WDR7: variants seen among roughly 807,000 people sequenced by gnomAD.
The protein encoded by WDR7 is WD repeat domain 7, also known as WD repeat-containing protein 7.
A neutral mutation model predicts 169.4 loss-of-function variants in WDR7; 46 were observed. The observed-to-expected ratio is 0.27, with a 90% CI of 0.21 to 0.35. The LOEUF (loss-of-function observed/expected upper bound fraction) is 0.35. Ranked by LOEUF, WDR7 falls within the 10% of genes least tolerant of loss-of-function variation. WDR7 has a pLI of 1.00. For synonymous variants in WDR7, 612 were observed against 666.8 expected (o/e 0.92, Z 1.27); for missense variants, 1,534 against 1,859.3 (o/e 0.83, Z 3.22).
intron 12 of WDR7, among the ~76,000 whole-genome samples, chr18:56,716,843 A>G (rs2026203179): frequency 6.6e-6 from 1 of 152,134 alleles, no homozygotes; most frequent in African/African-American, 2.4e-5. Flanking sequence ...CTACTACCCA[A>G]CCTCAGTATT....
At chr18:56,995,249 C>T (rs2047882593) in intron 26 of WDR7, among the ~76,000 whole-genome samples, 2 of 152,182 alleles carry the variant, frequency 1.3e-5, no homozygotes, top group South Asian at 4.1e-4. Context: ...CAGAAACACA[C>T]ATTTTACCTG....
intron 21 of WDR7, among the ~76,000 whole-genome samples, chr18:56,908,576 TGTCAA>T (rs1330951306): frequency 1.3e-5 from 2 of 152,214 alleles, no homozygotes; most frequent in Non-Finnish European, 2.9e-5. Flanking sequence ...AGACAGAGGC[TGTCAA>T]GTCAGGTCAA....
rs778753620 is a variant in WDR7 at position 56,939,350 on chromosome 18, G to C, written c.4021G>C (p.Val1341Leu). 2 of 1,582,316 alleles carry C rather than the reference G, an allele frequency of 1.3e-6. No individual in the cohort carries two copies. The highest frequency in any genetic ancestry group is 2.7e-5 in the African/African-American group (2 of 73,924). The change falls in exon 25 of 28, where the codon GTT (valine) becomes CTT (leucine). Residue 1341 changes from valine to leucine, a missense_variant. Transcript: ENST00000254442. ...TATGTACTGCCTTGAAGGATCTTTAGTTAAAAAGAAAGGTCTTCAAGAATG... is the reference window on the plus strand; with the variant it reads ...TATGTACTGCCTTGAAGGATCTTTACTTAAAAAGAAAGGTCTTCAAGAATG... ...IIMYCLEGSL[V>L]KKKGLQECFP... is the part of the protein sequence containing the mutation.
At chr18:56,844,176 A>T (rs1380418533) in intron 20 of WDR7, among the ~76,000 whole-genome samples, 8 of 150,070 alleles carry the variant, frequency 5.3e-5, no homozygotes, top group African/African-American at 9.8e-5. Context: ...TTTTTTTTTT[A>T]AATAATAGCA....
intron 26 of WDR7, among the ~76,000 whole-genome samples, chr18:56,964,216 A>G (rs2047374655): frequency 6.6e-6 from 1 of 151,412 alleles, no homozygotes; most frequent in African/African-American, 2.4e-5. Context: ...ATGCAAAAAA[A>G]AAAAAAAAAA....
intron 25 of WDR7, among the ~76,000 whole-genome samples, chr18:56,950,517 A>C (rs1395922926): frequency 6.6e-6 from 1 of 152,214 alleles, no homozygotes; most frequent in African/African-American, 2.4e-5. Context: ...GGCATCTGCA[A>C]ACCACAGTTT....
intron 20 of WDR7, among the ~76,000 whole-genome samples, chr18:56,844,750 A>G (rs1251014259): frequency 6.6e-6 from 1 of 152,214 alleles, no homozygotes; most frequent in African/African-American, 2.4e-5. Context: ...ATAGGTTGGT[A>G]GAGATAATGA....
At chr18:56,947,258 T>C (rs947283519) in intron 25 of WDR7, among the ~76,000 whole-genome samples, 2 of 152,332 alleles carry the variant, frequency 1.3e-5, no homozygotes, top group African/African-American at 4.8e-5. Context: ...ATGAGCAGAA[T>C]AGGAAGCACA....
intron 19 of WDR7, among the ~76,000 whole-genome samples, chr18:56,813,192 A>AC (rs942728562): frequency 3.5e-5 from 5 of 142,502 alleles, no homozygotes; most frequent in Non-Finnish European, 7.5e-5. Context: ...AAAAAAAAAA[A>AC]CATTAAAAAA....
intron 14 of WDR7, among the ~76,000 whole-genome samples, chr18:56,739,918 A>G (rs1266510863): frequency 6.9e-6 from 1 of 145,834 alleles, no homozygotes; most frequent in Non-Finnish European, 1.5e-5. Context: ...GAGTTGCCAG[A>G]GCTTTTTGAA....
chr18:56,824,296 CATT>C (rs1167912616), intron 20 of WDR7, among the ~76,000 whole-genome samples: 13 of 152,314 alleles, frequency 8.5e-5, no homozygotes, highest in African/African-American at 3.1e-4. Context: ...TCTCCCTGTT[CATT>C]GTACACACTT....
intron 19 of WDR7, among the ~76,000 whole-genome samples, chr18:56,812,050 G>A (rs944261373): frequency 3.9e-5 from 6 of 152,130 alleles, no homozygotes; most frequent in Non-Finnish European, 8.8e-5. Context: ...CAGTCAATTT[G>A]TGGAGATTTG....
intron 21 of WDR7, among the ~76,000 whole-genome samples, chr18:56,891,674 ACT>A (rs754864128): frequency 6.6e-6 from 1 of 152,028 alleles, no homozygotes; most frequent in Non-Finnish European, 1.5e-5. Context: ...TCCTATAAAC[ACT>A]CTGAATCCAG....
Position 57,029,790 on chromosome 18 carries a change from G to A in WDR7, c.*2583G>A, listed in dbSNP as rs929827362. On this transcript the variant is annotated 3_prime_UTR_variant, in exon 28 of 28. Transcript: ENST00000254442. ...GTGTGTTAAATAAAACAATTGTATT[G>A]AAGACTGTTTTTCTCACAATATTAC... 3 of 152,140 alleles carry A rather than the reference G, an allele frequency of 2.0e-5. No individual in the cohort carries two copies. Among genetic ancestry groups the A allele is most frequent in the Admixed American group, 6.5e-5 (1 of 15,274 alleles). The allele number at this position is 152,140 out of a possible 1,614,324, so 9.4% of individuals were successfully genotyped here.
At chr18:56,688,886 A>G (rs150669487) in intron 7 of WDR7, among the ~76,000 whole-genome samples, 2 of 152,222 alleles carry the variant, frequency 1.3e-5, no homozygotes, top group Non-Finnish European at 2.9e-5. Flanking sequence ...TTTCTTTCTT[A>G]AAATGCATAC....
chr18:56,860,507 C>T (rs2045788243), intron 20 of WDR7, among the ~76,000 whole-genome samples: 1 of 152,126 alleles, frequency 6.6e-6, no homozygotes, highest in Non-Finnish European at 1.5e-5. Context: ...AATCAATATA[C>T]ACATCCAGCA....
intron 26 of WDR7, among the ~76,000 whole-genome samples, chr18:57,018,550 C>T (rs1219559545): frequency 1.3e-5 from 2 of 152,164 alleles, no homozygotes; most frequent in Non-Finnish European, 2.9e-5. Flanking sequence ...TGAACAGAGG[C>T]CCAGTATTGT....
chr18:56,790,911 A>T (rs918883044), intron 19 of WDR7, among the ~76,000 whole-genome samples: 3 of 152,112 alleles, frequency 2.0e-5, no homozygotes, highest in African/African-American at 7.2e-5. Flanking sequence ...CAAGATTGAG[A>T]TTGATCTGGT....
At chr18:56,949,029 C>T (rs764073257) in intron 25 of WDR7, among the ~76,000 whole-genome samples, 2 of 152,152 alleles carry the variant, frequency 1.3e-5, no homozygotes, top group South Asian at 2.1e-4. Context: ...CCAGTCCATC[C>T]TTCTCCAGGA....
Sources: allele counts gnomAD v4.1 joint callset (sites outside exome capture counted in the v4.1 genomes callset), GRCh38; gene constraint gnomAD v4.1.1; transcripts MANE v1.5; gene names NCBI Gene and HGNC (gene_info 2026-07-23, HGNC 2026-07-21).